The following TMEM243 variants were observed in gnomAD, a reference collection of about 807,000 sequenced individuals.
TMEM243 encodes the protein transmembrane protein 243, also known as MDR1 and mitochondrial taxol resistance associated.
In TMEM243, 20 loss-of-function variants were observed where a neutral mutation model predicts 15.0. The ratio of observed to expected loss-of-function variants is 1.33; its 90% CI spans 0.94 to 1.93. TMEM243 has a LOEUF of 1.93. Ranked by LOEUF, TMEM243 falls within the 30% of genes most tolerant of loss-of-function variation. The pLI is 0.00. For missense variants in TMEM243, 156 were observed against 142.1 expected, an observed-to-expected ratio of 1.10 and a Z score of -0.50; for synonymous variants, 72 against 52.7, an observed-to-expected ratio of 1.37 and a Z score of -1.59.
chr7:87,208,226 G>C (rs1584535697), intron 1 of TMEM243, among the ~76,000 whole-genome samples: 2 of 152,332 alleles, frequency 1.3e-5, no homozygotes, highest in East Asian at 1.9e-4. Context: ...AGTCTCATCT[G>C]AGACAAGTCC....
intron 1 of TMEM243, among the ~76,000 whole-genome samples, chr7:87,209,308 G>A (rs1366529080): frequency 6.6e-6 from 1 of 151,810 alleles, no homozygotes; most frequent in Non-Finnish European, 1.5e-5. Flanking sequence ...ATGAGGGGGT[G>A]GGAAAGGGTG....
upstream of TMEM243, chr7:87,219,813 C>T (rs770321004): frequency 5.0e-6 from 2 of 396,400 alleles, no homozygotes; most frequent in Non-Finnish European, 9.2e-6. Context: ...AATCTCAGCC[C>T]TTGGCGCCGC....
intron 1 of TMEM243, chr7:87,202,914 A>G (rs1801921223): frequency 6.6e-6 from 1 of 152,354 alleles, no homozygotes; most frequent in East Asian, 1.9e-4. Context: ...CTTGGGCCAG[A>G]GAAGGACTAA....
At chr7:87,218,830 ATAAT>A (rs1419135571) in intron 1 of TMEM243, 2 of 152,474 alleles carry the variant, frequency 1.3e-5, no homozygotes, top group Non-Finnish European at 2.9e-5. Flanking sequence ...AAGACATCAC[ATAAT>A]TAATCCTTTT....
At chr7:87,209,748 CACAGAGCGAG>C (rs755952915) in intron 1 of TMEM243, among the ~76,000 whole-genome samples, 723 of 57,674 alleles carry the variant, frequency 0.013, 2 homozygotes, top group Non-Finnish European at 0.016. Flanking sequence ...GAGAGCGAGA[CACAGAGCGAG>C]ACAGTGAGAG....
upstream of TMEM243, chr7:87,220,567 C>G (rs1036701169): frequency 2.0e-5 from 3 of 152,312 alleles, no homozygotes; most frequent in Non-Finnish European, 4.4e-5. Context: ...CCCGCTGCCT[C>G]CGTCGCAAGT....
At chr7:87,218,179 TC>T (rs1803243369) in intron 1 of TMEM243, among the ~76,000 whole-genome samples, 1 of 152,160 alleles carries the variant, frequency 6.6e-6, no homozygotes, top group South Asian at 2.1e-4. Context: ...GTTCCTTGGC[TC>T]CCCAGGGCCA....
chr7:87,198,741 AC>A, intron 2 of TMEM243: 1 of 486,742 alleles, frequency 2.1e-6, no homozygotes, highest in Non-Finnish European at 3.6e-6. Context: ...GGAAGTGGCT[AC>A]TAGCCACTGA....
intron 3 of TMEM243, chr7:87,197,719 GC>G: frequency 3.2e-5 from 9 of 284,792 alleles, no homozygotes; most frequent in Middle Eastern, 1.1e-3. Context: ...TTTTTTTTAA[GC>G]TATCAAGGGA....
At chr7:87,211,705 G>C (rs1802762777) in intron 1 of TMEM243, among the ~76,000 whole-genome samples, 1 of 152,188 alleles carries the variant, frequency 6.6e-6, no homozygotes, top group Admixed American at 6.5e-5. Context: ...CCTGTGTCCA[G>C]GGATTTAATA....
intron 1 of TMEM243, among the ~76,000 whole-genome samples, chr7:87,209,588 GTGAGAC>G (rs1414150365): frequency 6.8e-6 from 1 of 146,154 alleles, no homozygotes; most frequent in Non-Finnish European, 1.5e-5. Context: ...GAGAGAGACA[GTGAGAC>G]AGTGAGAGAG....
At chr7:87,213,031 A>G (rs1802863824) in intron 1 of TMEM243, among the ~76,000 whole-genome samples, 1 of 152,234 alleles carries the variant, frequency 6.6e-6, no homozygotes, top group Non-Finnish European at 1.5e-5. Flanking sequence ...GACTGAGCAG[A>G]ATTCAGATAT....
intron 1 of TMEM243, among the ~76,000 whole-genome samples, chr7:87,208,950 T>G (rs936174128): frequency 6.6e-6 from 1 of 152,250 alleles, no homozygotes; most frequent in African/African-American, 2.4e-5. Flanking sequence ...GCAGGAGAGA[T>G]AATCAATATT....
At chr7:87,200,574 G>A (rs561828820) in intron 1 of TMEM243, among the ~76,000 whole-genome samples, 42 of 152,212 alleles carry the variant, frequency 2.8e-4, no homozygotes, top group Admixed American at 2.2e-3. Flanking sequence ...ATCACTAATT[G>A]CCAAATGACA....
chr7:87,198,769 C>G, intron 2 of TMEM243: 1 of 474,442 alleles, frequency 2.1e-6, no homozygotes, highest in Non-Finnish European at 3.7e-6. Flanking sequence ...TACAAATTTA[C>G]TAGGCAAAAC....
intron 1 of TMEM243, among the ~76,000 whole-genome samples, chr7:87,199,895 A>G (rs1312837941): frequency 6.6e-6 from 1 of 152,226 alleles, no homozygotes; most frequent in Non-Finnish European, 1.5e-5. Context: ...TATGATAGTG[A>G]CATGCAGTCT....
At chr7:87,207,019 C>A (rs1346808564) in intron 1 of TMEM243, among the ~76,000 whole-genome samples, 1 of 152,250 alleles carries the variant, frequency 6.6e-6, no homozygotes, top group Non-Finnish European at 1.5e-5. Flanking sequence ...ATCCTGCAGA[C>A]CAACAGGTCA....
Position 87,198,993 on chromosome 7 carries a change from A to G in TMEM243, c.129+14T>C, listed in dbSNP as rs1801589264. 6.3e-7 allele frequency: 1 copy of G among 1,590,492 alleles called. No homozygotes were observed. The highest frequency in any genetic ancestry group is 8.5e-7 in the Non-Finnish European group (1 of 1,172,462). On this transcript the variant is annotated intron_variant, in intron 2 of 3. Transcript: ENST00000257637. ...GCTAAGAGCCTGGGTGAGGCACAAA[A>G]TGAGGATACTTACTAGAATCAATAA...
At chr7:87,204,445 G>T (rs1802054856) in intron 1 of TMEM243, among the ~76,000 whole-genome samples, 1 of 152,208 alleles carries the variant, frequency 6.6e-6, no homozygotes, top group Non-Finnish European at 1.5e-5. Flanking sequence ...TCTGAGACAA[G>T]TCCACCTATG....
Sources: allele counts gnomAD v4.1 joint callset (sites outside exome capture counted in the v4.1 genomes callset), GRCh38; gene constraint gnomAD v4.1.1; transcripts MANE v1.5; gene names NCBI Gene and HGNC (gene_info 2026-07-23, HGNC 2026-07-21).